Variants in TNRC6B observed in about 807,000 individuals in gnomAD.
The protein encoded by TNRC6B is trinucleotide repeat containing adaptor 6B.
TNRC6B carries 52 observed loss-of-function variants against 203.6 expected under a neutral mutation model. That is an observed-to-expected ratio of 0.26 (90% CI 0.20 to 0.32). The LOEUF (loss-of-function observed/expected upper bound fraction) is 0.32. Among genes scored for constraint, TNRC6B ranks in the 10% least tolerant of loss-of-function variants. The pLI, the probability that TNRC6B is intolerant of heterozygous loss-of-function variation, is 1.00. For missense variants in TNRC6B, 1,923 were observed against 2,286.2 expected (o/e 0.84, Z 3.24); for synonymous variants, 838 against 845.7 (o/e 0.99, Z 0.16).
upstream of TNRC6B, among the ~76,000 whole-genome samples, chr22:40,173,789 ATATATTTTT>A (rs1184084732): frequency 2.3e-5 from 1 of 43,080 alleles, no homozygotes; most frequent in African/African-American, 1.3e-4. Flanking sequence ...ATATATATAT[ATATATTTTT>A]TTTTTTTTTT....
At chr22:40,049,778 A>G (rs1051425450) in intron 1 of TNRC6B, among the ~76,000 whole-genome samples, 1 of 151,924 alleles carries the variant, frequency 6.6e-6, no homozygotes, top group Non-Finnish European at 1.5e-5. Context: ...TAATTTTTGT[A>G]TTATTAGTAG....
intron 1 of TNRC6B, among the ~76,000 whole-genome samples, chr22:40,045,940 G>C (rs1283774930): frequency 6.6e-6 from 1 of 152,230 alleles, no homozygotes; most frequent in African/African-American, 2.4e-5. Flanking sequence ...ATCAGTGCTA[G>C]AGATTGAACG....
chr22:40,140,831 G>T (rs970915983), intron 3 of TNRC6B, among the ~76,000 whole-genome samples: 1 of 151,904 alleles, frequency 6.6e-6, no homozygotes, highest in African/African-American at 2.4e-5. Context: ...AGTAGAGATG[G>T]GGTTTCACCA....
At chr22:40,108,723 TG>T (rs1197598418) in intron 1 of TNRC6B, among the ~76,000 whole-genome samples, 2 of 152,238 alleles carry the variant, frequency 1.3e-5, no homozygotes, top group Non-Finnish European at 2.9e-5. Context: ...ACAGTGCCAC[TG>T]TCCTCAAATT....
intron 1 of TNRC6B, among the ~76,000 whole-genome samples, chr22:40,080,850 T>C (rs1264113397): frequency 2.0e-5 from 3 of 150,702 alleles, no homozygotes; most frequent in East Asian, 1.9e-4. Flanking sequence ...TTTTTTTTTT[T>C]TCATGTATAA....
chr22:40,149,004 T>C (rs2068721256), intron 3 of TNRC6B, among the ~76,000 whole-genome samples: 1 of 152,178 alleles, frequency 6.6e-6, no homozygotes, highest in Non-Finnish European at 1.5e-5. Context: ...AGATTTGAAA[T>C]ACTTCATTAC....
intron 1 of TNRC6B, among the ~76,000 whole-genome samples, chr22:40,229,282 A>G (rs1486212813): frequency 6.6e-6 from 1 of 152,124 alleles, no homozygotes; most frequent in Non-Finnish European, 1.5e-5. Flanking sequence ...ATCCTAGGAG[A>G]ATTATCTGTG....
At chr22:40,300,629 C>CTTTTT in intron 13 of TNRC6B, 43 bp downstream of exon 13, 1 of 1,296,248 alleles carries the variant, frequency 7.7e-7, no homozygotes, top group Non-Finnish European at 1.1e-6. Flanking sequence ...AGGTCATTTG[C>CTTTTT]TTTTTTTTTT....
rs116445086 is a variant in TNRC6B, at chr22:40,217,407, G to A, written c.6-28608G>A. Among the ~76,000 whole-genome samples the A allele has an allele frequency of 4.0e-3, 614 of 152,230 alleles. 4 individuals carry two copies. The highest frequency in any genetic ancestry group is 0.014 in the African/African-American group (576 of 41,542). On this transcript the variant is annotated intron_variant, in intron 1 of 22. Coordinates refer to ENST00000454349, the MANE Select transcript of TNRC6B (RefSeq NM_001162501.2). The stretch of plus-strand genomic sequence containing the variant: ...CAAGTGAGTGGCCTGCCCAGGTCTC[G>A]TGGGGTGTCAGAGGCAGAACTTGGG...
At chr22:40,239,609 A>G (rs2069999459) in intron 1 of TNRC6B, among the ~76,000 whole-genome samples, 1 of 152,176 alleles carries the variant, frequency 6.6e-6, no homozygotes. Context: ...AAAATGTAAA[A>G]GCTAGAACTG....
At chr22:40,073,574 G>T (rs2067974717) in intron 1 of TNRC6B, among the ~76,000 whole-genome samples, 2 of 151,914 alleles carry the variant, frequency 1.3e-5, no homozygotes, top group Non-Finnish European at 2.9e-5. Context: ...GGTCAATGAA[G>T]GGAAACTTAA....
chr22:40,264,775 A>T lies in TNRC6B; in HGVS notation c.545A>T (p.Asn182Ile), dbSNP rs760767292. 8 of 1,613,728 alleles carry T rather than the reference A, an allele frequency of 5.0e-6. No homozygotes were observed. The highest frequency in any genetic ancestry group is 6.8e-6 in the Non-Finnish European group (8 of 1,179,844). ...GASSNNGTSP[N>I]PIHIWDKVIV... ...TCCTCCAACAACGGCACCTCCCCCA[A>T]CCCAATTCACATCTGGGACAAGGTG... The change falls in exon 5 of 23, where the codon AAC (asparagine) becomes ATC (isoleucine). Residue 182 changes from asparagine (N) to isoleucine (I), a missense_variant. By Grantham distance (149) the Asn-to-Ile change is moderately radical (BLOSUM62 -3). Around this residue, in one of 8 missense-constraint regions of TNRC6B, gnomAD observed 614 missense variants for 587.7 expected, o/e 1.04. Coordinates refer to ENST00000454349, the MANE Select transcript of TNRC6B (RefSeq NM_001162501.2).
intron 1 of TNRC6B, among the ~76,000 whole-genome samples, chr22:40,187,800 T>C (rs998471643): frequency 6.6e-5 from 10 of 152,222 alleles, no homozygotes; most frequent in Admixed American, 1.3e-4. Flanking sequence ...ATTTACTAAA[T>C]ATGGGTGGGT....
intron 1 of TNRC6B, among the ~76,000 whole-genome samples, chr22:40,095,820 A>G (rs1412542004): frequency 6.6e-6 from 1 of 151,964 alleles, no homozygotes; most frequent in Admixed American, 6.6e-5. Context: ...CTGTTAATAC[A>G]GAAATGAATA....
intron 1 of TNRC6B, among the ~76,000 whole-genome samples, chr22:40,184,127 T>TAGAAAATGA (rs74278425): frequency 6.6e-6 from 1 of 152,214 alleles, no homozygotes; most frequent in African/African-American, 2.4e-5. Context: ...TTAAAAAACT[T>TAGAAAATGA]AGAAAATGAT....
At position 40,139,343 on chromosome 22, in the gene TNRC6B, T is replaced by G. The variant is rs1285953866; in HGVS notation, c.45+13481T>G. ...TGTACGCATTTTTTTTTTTTTTTTT[T>G]TTGAGATGGAGTCTTGCTCTATGGC... On this transcript the variant is annotated intron_variant, in intron 3 of 23. Transcript: ENST00000301923. Among the ~76,000 whole-genome samples, 4 of 151,376 alleles carry G rather than the reference T, an allele frequency of 2.6e-5. No homozygotes were observed. The East Asian group carries it at 7.7e-4, about 29-fold the overall frequency.
chr22:40,200,278 C>CTTTT (rs59067007), intron 1 of TNRC6B, among the ~76,000 whole-genome samples: 4,572 of 75,536 alleles, frequency 0.061, 998 homozygotes, highest in South Asian at 0.067. Flanking sequence ...AAGTAATATT[C>CTTTT]TTTTTTTTTT....
chr22:40,321,645 G>T, intron 22 of TNRC6B: 1 of 169,226 alleles, frequency 5.9e-6, no homozygotes, highest in South Asian at 1.6e-4. Context: ...AATCAGCCAG[G>T]CGTGGGGGCG....
rs2069082286 is a variant in TNRC6B at position 40,177,935 on chromosome 22, A to G, written c.-201A>G. ...AAAGCTGCTTCCTTTAGAGACAGAG[A>G]GGGAGAGAGAGAGCAAGAGGGAGAG... On this transcript the variant is annotated 5_prime_UTR_variant, in exon 1 of 23. Coordinates refer to ENST00000454349, the MANE Select transcript of TNRC6B (RefSeq NM_001162501.2). 1.5e-6 allele frequency: 2 copies of G among 1,365,772 alleles called. No homozygotes were observed. The highest frequency in any genetic ancestry group is 1.5e-5 in the African/African-American group (1 of 66,664). 84.6% of individuals were successfully genotyped at this position (1,365,772 alleles called of 1,614,324 possible).
Sources: gnomAD v4.1 joint callset for allele counts (sites outside exome capture counted in the v4.1 genomes callset) on GRCh38, gnomAD v4.1.1 for gene constraint, gnomAD v4.1.1 regional missense constraint, MANE v1.5 for transcripts, NCBI Gene and HGNC (gene_info 2026-07-23, HGNC 2026-07-21) for gene names.